The following ANKH variants were observed in gnomAD, a reference collection of about 807,000 sequenced individuals.
ANKH encodes the protein mineralization regulator ANKH.
ANKH carries 15 observed loss-of-function variants against 49.0 expected under a neutral mutation model. That is an observed-to-expected ratio of 0.31 (90% CI 0.20 to 0.47). The LOEUF is 0.47. ANKH is among the 20% of genes least tolerant of loss of function. The pLI, the probability that ANKH is intolerant of heterozygous loss-of-function variation, is 1.00. For synonymous variants in ANKH, 273 were observed against 260.0 expected (o/e 1.05, Z -0.48); for missense variants, 429 against 652.0 (o/e 0.66, Z 3.72).
intron 1 of ANKH, among the ~76,000 whole-genome samples, chr5:14,772,074 G>A (rs78601531): frequency 0.018 from 2,708 of 152,046 alleles, 74 homozygotes; most frequent in African/African-American, 0.063. Flanking sequence ...ATCTATGAAA[G>A]GAGGTATTTC....
At position 14,749,195 on chromosome 5, in the gene ANKH, C is replaced by A. The variant is rs1242674883; in HGVS notation, c.799G>T (p.Gly267Cys). The part of the protein sequence containing the change: ...IVNLFVSRDL[G>C]GSSAATEAVA... ...ACCTCTGTGGCTGCAGAACTGCCACCAAGGTCCCGGGAAACAAAGAGGTTG... is the reference window on the plus strand; with the variant it reads ...ACCTCTGTGGCTGCAGAACTGCCACAAAGGTCCCGGGAAACAAAGAGGTTG... The change falls in exon 6 of 12, where the codon GGT becomes TGT. Residue 267 changes from glycine to cysteine, a missense_variant. Transcript: ENST00000284268. The A allele has an allele frequency of 6.2e-7, 1 of 1,613,964 alleles. No homozygotes were observed. Among genetic ancestry groups the A allele is most frequent in the Non-Finnish European group, 8.5e-7 (1 of 1,179,950 alleles).
chr5:14,806,031 CTG>C (rs951978942), intron 1 of ANKH, among the ~76,000 whole-genome samples: 1 of 152,156 alleles, frequency 6.6e-6, no homozygotes, highest in Non-Finnish European at 1.5e-5. Context: ...GACAAGATAA[CTG>C]TGTAAAACTT....
At chr5:14,838,005 T>C (rs1741705418) in intron 1 of ANKH, among the ~76,000 whole-genome samples, 1 of 151,936 alleles carries the variant, frequency 6.6e-6, no homozygotes, top group African/African-American at 2.4e-5. Context: ...GAGCAAACTA[T>C]CATAATGATA....
chr5:14,849,361 G>T (rs1184817456), intron 1 of ANKH, among the ~76,000 whole-genome samples: 1 of 152,106 alleles, frequency 6.6e-6, no homozygotes, highest in Non-Finnish European at 1.5e-5. Flanking sequence ...AAAGCAAAGG[G>T]GTTTTCTCCT....
intron 8 of ANKH, among the ~76,000 whole-genome samples, chr5:14,740,586 A>G (rs970872834): frequency 6.6e-6 from 1 of 152,234 alleles, no homozygotes; most frequent in Non-Finnish European, 1.5e-5. Flanking sequence ...TGAGGACACG[A>G]GGTCATGACT....
At position 14,768,582 on chromosome 5, in the gene ANKH, T is replaced by C. The variant is rs114615564; in HGVS notation, c.313+393A>G. On this transcript the variant is annotated intron_variant, in intron 2 of 11. Transcript: ENST00000284268. ...AAATAGAACAATCTGTCATTTGTTC[T>C]CACTGCTAATAAGCATTAATTCTAA... 1,689 of 268,260 alleles carry C rather than the reference T, an allele frequency of 6.3e-3. 29 individuals are homozygous for C. Among genetic ancestry groups the C allele is most frequent in the African/African-American group, 0.035 (1,590 of 45,054 alleles). The allele number at this position is 268,260 out of a possible 1,614,324, so 16.6% of individuals were successfully genotyped here. A position where few individuals can be genotyped will look rare whatever the true frequency, so the allele number is the denominator to read the frequency against.
chr5:14,859,835 A>G (rs1735424678), intron 1 of ANKH, among the ~76,000 whole-genome samples: 1 of 152,242 alleles, frequency 6.6e-6, no homozygotes, highest in Admixed American at 6.5e-5. Flanking sequence ...AATCAGAGTA[A>G]AATATGAATT....
rs1477689009 is a variant in ANKH at position 14,871,393 on chromosome 5, G to A, written c.55C>T (p.Pro19Ser). 4 of 1,613,338 alleles carry A rather than the reference G, an allele frequency of 2.5e-6. No homozygotes were observed. The highest frequency in any genetic ancestry group is 3.4e-6 in the Non-Finnish European group (4 of 1,179,700). ...HYWPLIRFLV[P>S]LGITNIAIDF... ...ATGGCTATGTTGGTGATGCCCAGGG[G>A]CACCAAGAACCGGATCAGGGGCCAG... The change falls in exon 1 of 12, where the codon CCC (proline) becomes TCC (serine). Residue 19 changes from proline to serine, a missense_variant. This residue lies in a region of ANKH where 378 missense variants were observed against 615.3 expected (regional missense o/e 0.61). Coordinates refer to ENST00000284268, the MANE Select transcript of ANKH (RefSeq NM_054027.6).
At position 14,713,505 on chromosome 5, in the gene ANKH, G is replaced by A. The variant is rs765631775; in HGVS notation, c.1265+39C>T. 30 of 1,612,556 alleles carry A rather than the reference G, an allele frequency of 1.9e-5. No individual in the cohort carries two copies. The highest frequency in any genetic ancestry group is 2.5e-5 in the Non-Finnish European group (30 of 1,179,264). On this transcript the variant is annotated intron_variant, in intron 10 of 11. Transcript: ENST00000284268. This position sits in a 1 kb window ranked among gnomAD's most constrained non-coding sequence, Gnocchi z 4.4. ...AACCTCTGGACACAGTATTGAAGTGGCAGAAGGACCCACAGCCCCAAACTC... is the reference window on the plus strand; with the variant it reads ...AACCTCTGGACACAGTATTGAAGTGACAGAAGGACCCACAGCCCCAAACTC...
intron 8 of ANKH, 78 bp downstream of exon 8, chr5:14,741,749 T>C: frequency 9.8e-7 from 1 of 1,019,336 alleles, no homozygotes; most frequent in East Asian, 2.4e-5. Context: ...AAAATAAGAT[T>C]TCCCCCTTTA....
chr5:14,843,420 C>A (rs1350543074), intron 1 of ANKH, among the ~76,000 whole-genome samples: 2 of 151,784 alleles, frequency 1.3e-5, no homozygotes, highest in African/African-American at 4.8e-5. Context: ...AGGCAATCTG[C>A]CTGCCTCGGC....
intron 11 of ANKH, among the ~76,000 whole-genome samples, chr5:14,711,880 G>GTCAC (rs70964565): frequency 0.035 from 5,400 of 152,258 alleles, 156 homozygotes; most frequent in Admixed American, 0.082. Context: ...CCACTGCTGG[G>GTCAC]TCACTGCAGA....
intron 1 of ANKH, among the ~76,000 whole-genome samples, chr5:14,811,763 A>C (rs1740890236): frequency 6.6e-6 from 1 of 152,212 alleles, no homozygotes. Flanking sequence ...TACTAAAAAA[A>C]TTTCTGAGCA....
chr5:14,711,426 C>T, intron 11 of ANKH, 116 bp from the exon 12 acceptor site: 1 of 853,728 alleles, frequency 1.2e-6, no homozygotes, highest in Non-Finnish European at 2.0e-6. Flanking sequence ...AGGCTTAAAC[C>T]TTCTTATGGT....
At chr5:14,741,755 CT>C (rs1463560228) in intron 8 of ANKH, 71 bp downstream of exon 8, 5 of 1,143,218 alleles carry the variant, frequency 4.4e-6, no homozygotes, top group Non-Finnish European at 6.6e-6. Context: ...AGATTTCCCC[CT>C]TTAAAATAGC....
chr5:14,859,703 G>A (rs1338667278), intron 1 of ANKH, among the ~76,000 whole-genome samples: 2 of 152,146 alleles, frequency 1.3e-5, no homozygotes, highest in Admixed American at 1.3e-4. Context: ...GATATATCTG[G>A]GCTGATGGAA....
rs1219099967 is a variant in ANKH, at chr5:14,737,047, A to G, written c.1011+4780T>C. 6.6e-6 allele frequency among the ~76,000 whole-genome samples: 1 copy of G among 152,216 alleles called. No individual in the cohort carries two copies. The highest frequency in any genetic ancestry group is 1.5e-5 in the Non-Finnish European group (1 of 68,026). On this transcript the variant is annotated intron_variant, in intron 8 of 11. Coordinates refer to ENST00000284268, the MANE Select transcript of ANKH (RefSeq NM_054027.6). This position sits in a 1 kb window ranked among gnomAD's most constrained non-coding sequence, Gnocchi z 5.0. ...GAAACTAGTCAACTAAAAGCATCCA[A>G]AGGTGTTAAAAACTTCTGTTTATTA...
At chr5:14,818,699 CCT>C (rs1167183300) in intron 1 of ANKH, among the ~76,000 whole-genome samples, 2 of 151,254 alleles carry the variant, frequency 1.3e-5, no homozygotes, top group East Asian at 3.9e-4. Context: ...GAATTAGACC[CCT>C]GTGTGCACAC....
chr5:14,734,611 C>A (rs568412619), intron 8 of ANKH, among the ~76,000 whole-genome samples: 4 of 152,202 alleles, frequency 2.6e-5, no homozygotes, highest in African/African-American at 9.6e-5. Context: ...AGGCAGCACT[C>A]GGCAGGTGCA....
Sources: allele counts gnomAD v4.1 joint callset (sites outside exome capture counted in the v4.1 genomes callset), GRCh38; gene constraint gnomAD v4.1.1; regional missense constraint gnomAD v4.1.1; non-coding constraint Gnocchi (gnomAD v3.1); transcripts MANE v1.5; gene names NCBI Gene and HGNC (gene_info 2026-07-23, HGNC 2026-07-21).